Variants in REELD1 observed in about 807,000 individuals in gnomAD.
The protein encoded by REELD1 is reeler domain containing 1.
In REELD1, 12 loss-of-function variants were observed where a neutral mutation model predicts 6.3. The ratio of observed to expected loss-of-function variants is 1.89; its 90% CI spans 1.21 to 3.07. The LOEUF is 3.07. Among genes scored for constraint, REELD1 ranks in the 30% most tolerant of loss-of-function variants. The pLI is 0.00. For missense variants in REELD1, 163 were observed against 86.8 expected (o/e 1.88, Z -3.49); for synonymous variants, 57 against 33.6 (o/e 1.70, Z -2.42).
chr4:146,226,839 C>G (rs899249759), intron 5 of REELD1, among the ~76,000 whole-genome samples: 2 of 152,200 alleles, frequency 1.3e-5, no homozygotes, highest in African/African-American at 4.8e-5. Flanking sequence ...GATGCAGTCT[C>G]AGCTCACTAC....
At chr4:146,229,547 C>T (rs1445943476) in intron 7 of REELD1, among the ~76,000 whole-genome samples, 1 of 152,198 alleles carries the variant, frequency 6.6e-6, no homozygotes. Context: ...GTTAAATGGT[C>T]CCTCTTGCAT....
In REELD1 at chr4:146,228,198, A is replaced by G. The variant is rs1298263730; in HGVS notation, c.596-12A>G. ...CTCACTCACTCTGCGCTGTCTTTGGACCTCTGCTTAGCTCCCAGGACCCCC... is the reference window on the plus strand; with the variant it reads ...CTCACTCACTCTGCGCTGTCTTTGGGCCTCTGCTTAGCTCCCAGGACCCCC... On this transcript the variant is annotated splice_polypyrimidine_tract_variant and intron_variant, in intron 5 of 7. Transcript: ENST00000623665. 1.4e-6 allele frequency: 1 copy of G among 698,988 alleles called. No individual in the cohort carries two copies. The highest frequency in any genetic ancestry group is 1.8e-5 in the African/African-American group (1 of 57,134). 43.3% of individuals were successfully genotyped at this position (698,988 alleles called of 1,614,324 possible).
intron 3 of REELD1, among the ~76,000 whole-genome samples, chr4:146,218,881 G>A (rs75053759): frequency 0.044 from 6,726 of 152,248 alleles, 249 homozygotes; most frequent in South Asian, 0.14. Context: ...AGGCATGGTG[G>A]CTCATGCCTG....
At position 146,217,997 on chromosome 4, in the gene REELD1, A is replaced by G. The variant is rs1035542758; in HGVS notation, c.208+837A>G. On this transcript the variant is annotated intron_variant, in intron 3 of 7. Transcript: ENST00000623665. ...TGTTCTTTTAGTTTAGGTGCCTATA[A>G]AAGCAGGGAAAGAACGTGAGCGCAG... Among the ~76,000 whole-genome samples, 101 of 152,382 alleles carry G rather than the reference A, an allele frequency of 6.6e-4. 2 individuals carry two copies. Among genetic ancestry groups the G allele is most frequent in the Non-Finnish European group, 5.9e-5 (4 of 68,042 alleles).
chr4:146,222,772 A>C (rs934031957), intron 4 of REELD1, among the ~76,000 whole-genome samples, 193 bp downstream of exon 4: 1 of 151,932 alleles, frequency 6.6e-6, no homozygotes, highest in African/African-American at 2.4e-5. Context: ...TTGCCCCCAA[A>C]CTCATCCCTT....
chr4:146,226,504 T>C (rs146953914), intron 5 of REELD1, among the ~76,000 whole-genome samples: 136 of 152,286 alleles, frequency 8.9e-4, no homozygotes, highest in Non-Finnish European at 1.8e-3. Flanking sequence ...AAGTGTCTGG[T>C]GAGGGAGGGA....
chr4:146,217,215 C>A lies in REELD1; in HGVS notation c.208+55C>A. On this transcript the variant is annotated intron_variant, in intron 3 of 7. Transcript: ENST00000623665. ...CGAGGAGCCCCAGAGCCCCCATGGA[C>A]CTTCCAGTTTGTGTTTGTCCCAGTC... 3 of 398,844 alleles carry A rather than the reference C, an allele frequency of 7.5e-6. No homozygotes were observed. The South Asian group carries it at 3.9e-4, about 51-fold the overall frequency. 24.7% of individuals were successfully genotyped at this position (398,844 alleles called of 1,614,324 possible). A position where few individuals can be genotyped will look rare whatever the true frequency, so the allele number is the denominator to read the frequency against.
chr4:146,217,057 C>A lies in REELD1; in HGVS notation c.105C>A (p.Asp35Glu). 2.5e-5 allele frequency: 10 copies of A among 399,170 alleles called. No individual in the cohort carries two copies. Among genetic ancestry groups the A allele is most frequent in the Middle Eastern group, 6.3e-4 (1 of 1,592 alleles). The allele number at this position is 399,170 out of a possible 1,614,324, so 24.7% of individuals were successfully genotyped here. Residue 35 changes from aspartate (D) to glutamate (E), a missense_variant, in exon 3 of 8, where the codon GAC becomes GAA. Coordinates refer to ENST00000623665, the MANE Select transcript of REELD1 (RefSeq NM_001354631.1). Reference protein sequence around the residue: ...SHGASTVACDDMQPKHIQAQP... With the variant: ...SHGASTVACDEMQPKHIQAQP... Reference sequence around the variant, plus strand: ...GTGCCAGCACGGTGGCCTGTGATGACATGCAGCCCAAGCACATCCAAGCCC... The same window carrying A: ...GTGCCAGCACGGTGGCCTGTGATGAAATGCAGCCCAAGCACATCCAAGCCC...
In REELD1 at chr4:146,228,406, CG is replaced by C; in HGVS notation, c.796del (p.Asp266ThrfsTer6). On this transcript the variant is annotated frameshift_variant, in exon 6 of 8. Coordinates refer to ENST00000623665, the MANE Select transcript of REELD1 (RefSeq NM_001354631.1). LOFTEE classifies it high-confidence loss of function. The stretch of plus-strand genomic sequence containing the variant: ...AAGGCAGCATCAACCAGCAACCCAG[CG>C]GGGACAGCAATCCCACCCTAGAGCC... ...TEGSINQQPSGDSNPTLEPSL... is the reference protein window; with the variant it reads ...TEGSINQQPSXDSNPTLEPSL... 2 of 702,582 alleles carry C rather than the reference CG, an allele frequency of 2.8e-6. No individual in the cohort carries two copies. Among genetic ancestry groups the C allele is most frequent in the Non-Finnish European group, 5.2e-6 (2 of 385,004 alleles). 43.5% of individuals were successfully genotyped at this position (702,582 alleles called of 1,614,324 possible).
At chr4:146,216,876 C>T (rs1317060205) in intron 2 of REELD1, 66 bp from the exon 3 acceptor site, 3 of 397,666 alleles carry the variant, frequency 7.5e-6, no homozygotes, top group East Asian at 7.1e-5. Flanking sequence ...AGTCACATCC[C>T]GAGAAGACTT....
chr4:146,226,092 G>T (rs936903860), intron 5 of REELD1, among the ~76,000 whole-genome samples: 19 of 152,166 alleles, frequency 1.2e-4, no homozygotes, highest in African/African-American at 4.3e-4. Flanking sequence ...AGTGAAATAG[G>T]TTTCTTAACT....
At chr4:146,228,918 TTTC>T (rs1167703858) in intron 6 of REELD1, 104 bp from the exon 7 acceptor site, 1 of 671,832 alleles carries the variant, frequency 1.5e-6, no homozygotes, top group Non-Finnish European at 2.7e-6. Context: ...ATCAGAAGTT[TTTC>T]AAGTGAATCT....
At chr4:146,227,138 C>CA (rs1040972826) in intron 5 of REELD1, among the ~76,000 whole-genome samples, 1 of 152,188 alleles carries the variant, frequency 6.6e-6, no homozygotes, top group Non-Finnish European at 1.5e-5. Flanking sequence ...ACACCAATTA[C>CA]AAGTCTGCAT....
At position 146,216,932 on chromosome 4, in the gene REELD1, C is replaced by T. The variant is rs1011623659; in HGVS notation, c.-11-10C>T. The T allele has an allele frequency of 8.3e-5, 33 of 398,386 alleles. No homozygotes were observed. Among genetic ancestry groups the T allele is most frequent in the Admixed American group, 1.3e-4 (3 of 22,718 alleles). 24.7% of individuals were successfully genotyped at this position (398,386 alleles called of 1,614,324 possible). ...CGTCTGGACTGAAGCTGCTGTTTGT[C>T]ATGATACAGGAGAGGGCAGGATGAG... On this transcript the variant is annotated splice_polypyrimidine_tract_variant and intron_variant, in intron 2 of 7. Coordinates refer to ENST00000623665, the MANE Select transcript of REELD1 (RefSeq NM_001354631.1).
At position 146,215,063 on chromosome 4, in the gene REELD1, C is replaced by G. The variant is rs1171707859; in HGVS notation, c.-134-13C>G. Reference sequence around the variant, plus strand: ...AGGAGCATTTTCATTTCATTTCTTTCTTTTCTTTTAAGAGACAGGGTCTTG... The same window carrying G: ...AGGAGCATTTTCATTTCATTTCTTTGTTTTCTTTTAAGAGACAGGGTCTTG... On this transcript the variant is annotated splice_polypyrimidine_tract_variant and intron_variant, in intron 1 of 7. Transcript: ENST00000623665. The G allele has an allele frequency of 6.6e-6, 1 of 152,240 alleles. No homozygotes were observed. The highest frequency in any genetic ancestry group is 6.6e-5 in the Admixed American group (1 of 15,256). The allele number at this position is 152,240 out of a possible 1,614,324, so 9.4% of individuals were successfully genotyped here.
In REELD1 at chr4:146,222,521, A is replaced by C. The variant is rs140532648; in HGVS notation, c.373A>C (p.Arg125=). Residue 125 remains arginine (R), a synonymous_variant, in exon 4 of 8, where the codon AGA becomes CGA. Coordinates refer to ENST00000623665, the MANE Select transcript of REELD1 (RefSeq NM_001354631.1). The stretch of plus-strand genomic sequence containing the variant: ...CACCCACTCTGACAAGTCCCTGAAG[A>C]GAAACCTGTCATTCGTGTGGAAGGC... ...AVTHSDKSLK[R]NLSFVWKAPA... 1.6e-3 allele frequency: 625 copies of C among 398,624 alleles called. 3 individuals carry two copies. Among genetic ancestry groups the C allele is most frequent in the African/African-American group, 0.01 (505 of 48,754 alleles). 24.7% of individuals were successfully genotyped at this position (398,624 alleles called of 1,614,324 possible).
At position 146,228,467 on chromosome 4, in the gene REELD1, G is replaced by A; in HGVS notation, c.853G>A (p.Ala285Thr). The change falls in exon 6 of 8, where the codon GCC becomes ACC. Residue 285 changes from alanine (A) to threonine (T), a missense_variant. Ala to Thr is a moderately conservative substitution (Grantham distance 58). Transcript: ENST00000623665. ...GGTCCACAGGCTGGAGAGGCTCGTGGCCCTCAAGAGAGTCTCCTCAGAGAG... is the reference window on the plus strand; with the variant it reads ...GGTCCACAGGCTGGAGAGGCTCGTGACCCTCAAGAGAGTCTCCTCAGAGAG... ...LEVHRLERLV[A>T]LKRVSSESFA... 4 of 702,526 alleles carry A rather than the reference G, an allele frequency of 5.7e-6. No individual in the cohort carries two copies. The highest frequency in any genetic ancestry group is 1.5e-5 in the South Asian group (1 of 67,596). The allele number at this position is 702,526 out of a possible 1,614,324, so 43.5% of individuals were successfully genotyped here.
At chr4:146,215,021 C>A (rs1003816501) in intron 1 of REELD1, 55 bp from the exon 2 acceptor site, 1 of 152,332 alleles carries the variant, frequency 6.6e-6, no homozygotes, top group African/African-American at 2.4e-5. Flanking sequence ...AGACCACTTG[C>A]CATCAGCAAG....
intron 4 of REELD1, among the ~76,000 whole-genome samples, chr4:146,223,293 G>A (rs1038853373): frequency 1.3e-5 from 2 of 152,168 alleles, no homozygotes; most frequent in African/African-American, 4.8e-5. Context: ...TCCCCTCCAG[G>A]ACTCCCCTCT....
Sources: allele counts gnomAD v4.1 joint callset (sites outside exome capture counted in the v4.1 genomes callset), GRCh38; gene constraint gnomAD v4.1.1; transcripts MANE v1.5; gene names NCBI Gene and HGNC (gene_info 2026-07-23, HGNC 2026-07-21).